The following CPA3 variants were observed in gnomAD, a reference collection of about 807,000 sequenced individuals.
CPA3 encodes the protein mast cell carboxypeptidase A.
CPA3 carries 52 observed loss-of-function variants against 55.8 expected under a neutral mutation model. The observed-to-expected ratio is 0.93, with a 90% CI of 0.75 to 1.17. The LOEUF (loss-of-function observed/expected upper bound fraction) is 1.17. Among genes scored for constraint, CPA3 ranks in the 50% most tolerant of loss-of-function variants. CPA3 has a pLI of 0.00. For synonymous variants in CPA3, 179 were observed against 171.2 expected, an observed-to-expected ratio of 1.05 and a Z score of -0.36; for missense variants, 547 against 509.1, an observed-to-expected ratio of 1.07 and a Z score of -0.72.
intron 10 of CPA3, among the ~76,000 whole-genome samples, chr3:148,892,311 C>T (rs1379317186): frequency 6.6e-6 from 1 of 152,130 alleles, no homozygotes; most frequent in Non-Finnish European, 1.5e-5. Flanking sequence ...CACCTTTTAC[C>T]CACTAAGTGA....
At chr3:148,883,889 G>A (rs556200152) in intron 9 of CPA3, 74 bp downstream of exon 9, 440 of 1,116,106 alleles carry the variant, frequency 3.9e-4, no homozygotes, top group Non-Finnish European at 5.6e-4. Flanking sequence ...ATTAACTTGG[G>A]TATGTTGAAA....
intron 10 of CPA3, among the ~76,000 whole-genome samples, chr3:148,892,547 A>G (rs1428028266): frequency 6.6e-6 from 1 of 151,852 alleles, no homozygotes; most frequent in African/African-American, 2.4e-5. Context: ...CAGCTACTCA[A>G]GAGGCCGAGG....
chr3:148,868,612 A>C (rs1713971616), intron 2 of CPA3, among the ~76,000 whole-genome samples: 1 of 152,138 alleles, frequency 6.6e-6, no homozygotes, highest in Non-Finnish European at 1.5e-5. Flanking sequence ...ATTCAATCCC[A>C]AAATTGTGGA....
chr3:148,872,497 A>G (rs904203990), intron 3 of CPA3, among the ~76,000 whole-genome samples: 3 of 152,232 alleles, frequency 2.0e-5, no homozygotes, highest in African/African-American at 7.2e-5. Flanking sequence ...ACGAGGATCC[A>G]TATAAGATTA....
In CPA3 at chr3:148,881,577, A is replaced by G. The variant is rs1714368975; in HGVS notation, c.632A>G (p.Asn211Ser). The G allele has an allele frequency of 6.2e-7, 1 of 1,613,054 alleles. No individual in the cohort carries two copies. Among genetic ancestry groups the G allele is most frequent in the Non-Finnish European group, 8.5e-7 (1 of 1,179,524 alleles). Residue 211 changes from asparagine to serine, a missense_variant, in exon 7 of 11, where the codon AAT becomes AGT. By Grantham distance (46) the Asn-to-Ser change is conservative. Coordinates refer to ENST00000296046, the MANE Select transcript of CPA3 (RefSeq NM_001870.4). The part of the protein sequence containing the change: ...KIMTKLLDRM[N>S]FYILPVFNVD... ...ATGACCAAACTCTTGGACCGAATGA[A>G]TTTTTACATTCTTCCTGTGTTCAAT...
At chr3:148,892,920 A>C (rs1714715180) in intron 10 of CPA3, among the ~76,000 whole-genome samples, 2 of 151,954 alleles carry the variant, frequency 1.3e-5, no homozygotes, top group Non-Finnish European at 2.9e-5. Flanking sequence ...GTGTCATTGC[A>C]TTCTCGCCTG....
intron 10 of CPA3, 94 bp downstream of exon 10, chr3:148,886,271 A>G: frequency 1.3e-6 from 1 of 780,908 alleles, no homozygotes; most frequent in Non-Finnish European, 2.1e-6. Flanking sequence ...AGGTTAGAGC[A>G]TCTGGAATTG....
In CPA3 at chr3:148,896,813, C is replaced by A; in HGVS notation, c.*106C>A. 1 of 933,530 alleles carries A rather than the reference C, an allele frequency of 1.1e-6. No individual in the cohort carries two copies. The highest frequency in any genetic ancestry group is 2.9e-5 in the South Asian group (1 of 33,900). 57.8% of individuals were successfully genotyped at this position (933,530 alleles called of 1,614,324 possible). ...AATGCAGCTTCTATTTCACCTGAAT[C>A]CTTCTCTTGCTCATTTAAGTCCCAT... On this transcript the variant is annotated 3_prime_UTR_variant, in exon 11 of 11. Transcript: ENST00000296046.
At chr3:148,895,986 TAA>T (rs1266094105) in intron 10 of CPA3, among the ~76,000 whole-genome samples, 1 of 152,218 alleles carries the variant, frequency 6.6e-6, no homozygotes, top group Non-Finnish European at 1.5e-5. Context: ...TTAAATTTCA[TAA>T]AAGTTGACAT....
chr3:148,879,938 A>G (rs760979811), intron 6 of CPA3, 49 bp downstream of exon 6: 2 of 1,257,352 alleles, frequency 1.6e-6, no homozygotes, highest in Admixed American at 1.7e-5. Context: ...CCAAGTCTCC[A>G]GCACTTCACT....
chr3:148,881,643 C>T lies in CPA3; in HGVS notation c.687+11C>T. The stretch of plus-strand genomic sequence containing the variant: ...TGGTCATGGACAAAGGTACTGCTCT[C>T]TACTCTCTTGTTTGCATTTAGATAT... On this transcript the variant is annotated intron_variant, in intron 7 of 10. Transcript: ENST00000296046. The T allele has an allele frequency of 6.5e-7, 1 of 1,535,210 alleles. No homozygotes were observed. Among genetic ancestry groups the T allele is most frequent in the Non-Finnish European group, 9.0e-7 (1 of 1,114,860 alleles).
At chr3:148,879,766 T>A in intron 5 of CPA3, 22 bp from the exon 6 acceptor site, 1 of 1,511,584 alleles carries the variant, frequency 6.6e-7, no homozygotes, top group African/African-American at 1.4e-5. Flanking sequence ...CAAAACAATA[T>A]CTCAAGTTTA....
At position 148,882,605 on chromosome 3, in the gene CPA3, A is replaced by C. The variant is rs1714402541; in HGVS notation, c.778+10A>C. ...AATGCTTCATGGAACTGTGAGTAGC[A>C]GACTTGCTATCAAGGAAAATTGCTA... On this transcript the variant is annotated intron_variant, in intron 8 of 10. Coordinates refer to ENST00000296046, the MANE Select transcript of CPA3 (RefSeq NM_001870.4). 2 of 1,609,858 alleles carry C rather than the reference A, an allele frequency of 1.2e-6. No homozygotes were observed. The highest frequency in any genetic ancestry group is 4.5e-5 in the East Asian group (2 of 44,788).
In CPA3 at chr3:148,883,811, A is replaced by G. The variant is rs1180790542; in HGVS notation, c.977A>G (p.Asp326Gly). The G allele has an allele frequency of 6.2e-7, 1 of 1,612,710 alleles. No individual in the cohort carries two copies. The highest frequency in any genetic ancestry group is 8.5e-7 in the Non-Finnish European group (1 of 1,178,718). The change falls in exon 9 of 11, where the codon GAC (aspartate) becomes GGC (glycine). Residue 326 changes from aspartate to glycine, a missense_variant. Coordinates refer to ENST00000296046, the MANE Select transcript of CPA3 (RefSeq NM_001870.4). ...YTSKLPPNHE[D>G]LAKVAKIGTD... is the part of the protein sequence containing the mutation. ...TCAAAACTGCCACCTAACCATGAGGACTTGGTACGTAGACAAAAGTTTGCA... is the reference window on the plus strand; with the variant it reads ...TCAAAACTGCCACCTAACCATGAGGGCTTGGTACGTAGACAAAAGTTTGCA...
At chr3:148,886,238 G>A in intron 10 of CPA3, 61 bp downstream of exon 10, 2 of 1,216,778 alleles carry the variant, frequency 1.6e-6, no homozygotes, top group East Asian at 2.5e-5. Context: ...AAATATTAAA[G>A]AAAATTATGG....
At position 148,878,532 on chromosome 3, in the gene CPA3, A is replaced by C. The variant is rs1176146435; in HGVS notation, c.361A>C (p.Asn121His). The C allele has an allele frequency of 6.2e-7, 1 of 1,611,352 alleles. No homozygotes were observed. Among genetic ancestry groups the C allele is most frequent in the East Asian group, 2.2e-5 (1 of 44,808 alleles). ...PGRHSYAKYN[N>H]WEKIVAWTEK... is the part of the protein sequence containing the mutation. The stretch of plus-strand genomic sequence containing the variant: ...CAGGCACAGCTACGCAAAATACAAT[A>C]ATTGGGAAAAGGTACAGTAAAAAAT... The change falls in exon 4 of 11, where the codon AAT becomes CAT. Residue 121 changes from asparagine to histidine, a missense_variant. Transcript: ENST00000296046.
At chr3:148,873,477 T>C (rs1192904284) in intron 3 of CPA3, among the ~76,000 whole-genome samples, 3 of 152,178 alleles carry the variant, frequency 2.0e-5, no homozygotes, top group African/African-American at 7.2e-5. Context: ...CAGCAAAGGA[T>C]GGGAGCCTTG....
intron 6 of CPA3, 39 bp downstream of exon 6, chr3:148,879,928 C>CAGT: frequency 7.3e-7 from 1 of 1,370,158 alleles, no homozygotes; most frequent in Non-Finnish European, 1.0e-6. Flanking sequence ...CCTTTGACTG[C>CAGT]CAAGTCTCCA....
rs752500522 is a variant in CPA3 at position 148,896,646 on chromosome 3, G to C, written c.1193G>C (p.Cys398Ser). ...CCAGAATCCCGGATAAAGCCAACGT[G>C]CAGAGAGACCATGCTAGCTGTCAAA... is the stretch of plus-strand genomic sequence containing the variant. ...LLPESRIKPT[C>S]RETMLAVKFI... The change falls in exon 11 of 11, where the codon TGC becomes TCC. Residue 398 changes from cysteine (C) to serine (S), a missense_variant. Coordinates refer to ENST00000296046, the MANE Select transcript of CPA3 (RefSeq NM_001870.4). 6.3e-7 allele frequency: 1 copy of C among 1,582,192 alleles called. No individual in the cohort carries two copies. The highest frequency in any genetic ancestry group is 8.7e-7 in the Non-Finnish European group (1 of 1,155,918).
Sources: allele counts gnomAD v4.1 joint callset (sites outside exome capture counted in the v4.1 genomes callset), GRCh38; gene constraint gnomAD v4.1.1; transcripts MANE v1.5; gene names NCBI Gene and HGNC (gene_info 2026-07-23, HGNC 2026-07-21).